The following ZNF680 variants were observed in gnomAD, a reference collection of about 807,000 sequenced individuals.
ZNF680 encodes the protein zinc finger protein 680.
In ZNF680, 6 loss-of-function variants were observed where a neutral mutation model predicts 12.1. That is an observed-to-expected ratio of 0.49 (90% CI 0.27 to 0.98). The LOEUF is 0.98. Among genes scored for constraint, ZNF680 ranks in the 50% least tolerant of loss-of-function variants. The pLI, the probability that ZNF680 is intolerant of heterozygous loss-of-function variation, is 0.12. For synonymous variants in ZNF680, 170 were observed against 199.3 expected, an observed-to-expected ratio of 0.85 and a Z score of 1.24; for missense variants, 561 against 616.3, an observed-to-expected ratio of 0.91 and a Z score of 0.95.
At chr7:64,524,804 A>T (rs1791742878) in intron 3 of ZNF680, 1 of 152,200 alleles carries the variant, frequency 6.6e-6, no homozygotes, top group South Asian at 2.1e-4. Context: ...CAAATTATTT[A>T]AAACTAAATT....
the ZNF680 span, among the ~76,000 whole-genome samples, chr7:64,509,023 T>C: frequency 6.6e-6 from 1 of 152,170 alleles, no homozygotes; most frequent in African/African-American, 2.4e-5. Flanking sequence ...GGTCACCTCA[T>C]GTAAATACCC....
chr7:64,500,709 G>A, the ZNF680 span: 2 of 252,756 alleles, frequency 7.9e-6, no homozygotes. Flanking sequence ...CCACGTTGCC[G>A]ACCTCGAGCA....
chr7:64,543,376 AAC>A (rs1396146321), intron 3 of ZNF680, among the ~76,000 whole-genome samples: 5 of 152,210 alleles, frequency 3.3e-5, no homozygotes, highest in Non-Finnish European at 5.9e-5. Flanking sequence ...CTTAAAAAAT[AAC>A]AGTTTCTCAA....
At chr7:64,548,816 G>A (rs10248437) in intron 1 of ZNF680, among the ~76,000 whole-genome samples, 48,392 of 151,772 alleles carry the variant, frequency 0.32, 8,758 homozygotes, top group African/African-American at 0.48. Context: ...GAGACTCAGG[G>A]TGATCCTATA....
the ZNF680 span, among the ~76,000 whole-genome samples, chr7:64,512,334 TC>T: frequency 6.6e-6 from 1 of 150,706 alleles, no homozygotes; most frequent in East Asian, 2.0e-4. Context: ...GCGCCTGTAG[TC>T]CCAGCTACTC....
intron 1 of ZNF680, among the ~76,000 whole-genome samples, chr7:64,562,378 A>G (rs1787795086): frequency 6.6e-6 from 1 of 152,182 alleles, no homozygotes; most frequent in Non-Finnish European, 1.5e-5. Context: ...TGATCTTACA[A>G]ATTAAGAAGT....
the ZNF680 span, among the ~76,000 whole-genome samples, chr7:64,508,886 T>C: frequency 6.6e-6 from 1 of 152,204 alleles, no homozygotes. Flanking sequence ...GTCTTAGGAA[T>C]GTAACTTTAA....
At position 64,543,740 on chromosome 7, in the gene ZNF680, T is replaced by A. The variant is rs751020730; in HGVS notation, c.220A>T (p.Arg74Trp). 2 of 1,613,630 alleles carry A rather than the reference T, an allele frequency of 1.2e-6. No individual in the cohort carries two copies. The highest frequency in any genetic ancestry group is 2.7e-5 in the African/African-American group (2 of 74,914). The change falls in exon 3 of 4, where the codon AGG becomes TGG. Residue 74 changes from arginine to tryptophan, a missense_variant. Arg to Trp is a moderately radical substitution (Grantham distance 101, BLOSUM62 -3). Transcript: ENST00000309683. ...CLEQGKEPWN[R>W]KRQEMVAKPP... ...TTGGCTACCATCTCCTGTCTCTTCC[T>A]ATTCCAGGGCTCTTTTCCTTGCTCC...
At chr7:64,524,147 AT>A (rs35895081) in intron 3 of ZNF680, among the ~76,000 whole-genome samples, 7,690 of 139,274 alleles carry the variant, frequency 0.055, 411 homozygotes, top group East Asian at 0.32. Context: ...ACAAAGAAGA[AT>A]TTTTTTTTTT....
rs1791458530 is a variant in ZNF680, at chr7:64,520,260, T to C, written c.*901A>G. The C allele has an allele frequency of 6.6e-6, 1 of 151,778 alleles. No individual in the cohort carries two copies. The highest frequency in any genetic ancestry group is 2.1e-4 in the South Asian group (1 of 4,830). 9.4% of individuals were successfully genotyped at this position (151,778 alleles called of 1,614,324 possible). A position where few individuals can be genotyped will look rare whatever the true frequency, so the allele number is the denominator to read the frequency against. ...CACATGCTTTCACATGTGAATACAATAGGAATGAAATAAAGTAATTTGAGA... is the reference window on the plus strand; with the variant it reads ...CACATGCTTTCACATGTGAATACAACAGGAATGAAATAAAGTAATTTGAGA... On this transcript the variant is annotated 3_prime_UTR_variant, in exon 4 of 4. Transcript: ENST00000309683.
intron 3 of ZNF680, among the ~76,000 whole-genome samples, chr7:64,532,431 A>G (rs1457080520): frequency 6.6e-6 from 1 of 152,242 alleles, no homozygotes; most frequent in Non-Finnish European, 1.5e-5. Flanking sequence ...ACCTTTACAC[A>G]CATAAACTCG....
chr7:64,507,981 T>C, the ZNF680 span, among the ~76,000 whole-genome samples: 1 of 151,078 alleles, frequency 6.6e-6, no homozygotes, highest in Non-Finnish European at 1.5e-5. Context: ...ATTTTCTTGA[T>C]TTTTAATGTT....
chr7:64,508,133 A>ATT, the ZNF680 span, among the ~76,000 whole-genome samples: 1 of 134,728 alleles, frequency 7.4e-6, no homozygotes. Context: ...GTATATATAT[A>ATT]TATATATATA....
the ZNF680 span, among the ~76,000 whole-genome samples, chr7:64,509,290 T>C: frequency 2.6e-5 from 4 of 152,174 alleles, no homozygotes; most frequent in Non-Finnish European, 5.9e-5. Flanking sequence ...TCATCTTCCA[T>C]TGTTTTCCCT....
At chr7:64,515,653 A>G (rs1332558720), downstream of ZNF680, among the ~76,000 whole-genome samples, 1 of 152,122 alleles carries the variant, frequency 6.6e-6, no homozygotes, top group Non-Finnish European at 1.5e-5. Flanking sequence ...CTGCACAAAT[A>G]AAAAAACCCT....
At chr7:64,506,346 T>C in the ZNF680 span, among the ~76,000 whole-genome samples, 1 of 151,994 alleles carries the variant, frequency 6.6e-6, no homozygotes, top group Non-Finnish European at 1.5e-5. Flanking sequence ...GGACTACAGG[T>C]GCCCAGCTAT....
chr7:64,507,740 T>C, the ZNF680 span, among the ~76,000 whole-genome samples: 1 of 151,742 alleles, frequency 6.6e-6, no homozygotes, highest in Admixed American at 6.6e-5. Context: ...ATACTATTAA[T>C]ACTTTTCTTA....
intron 1 of ZNF680, among the ~76,000 whole-genome samples, chr7:64,556,837 C>T (rs891645102): frequency 2.4e-4 from 36 of 152,178 alleles, no homozygotes; most frequent in Admixed American, 2.0e-4. Context: ...AGCTTCTTCA[C>T]AGCAAAGCAA....
chr7:64,501,208 C>T, the ZNF680 span: 3 of 867,044 alleles, frequency 3.5e-6, no homozygotes, highest in Admixed American at 1.7e-5. Flanking sequence ...TGACTTTCAA[C>T]GGGATTATTG....
Sources: allele counts gnomAD v4.1 joint callset (sites outside exome capture counted in the v4.1 genomes callset), GRCh38; gene constraint gnomAD v4.1.1; transcripts MANE v1.5; gene names NCBI Gene and HGNC (gene_info 2026-07-23, HGNC 2026-07-21).